The following ANKS1A variants were observed in gnomAD, a reference collection of about 807,000 sequenced individuals.
The protein encoded by ANKS1A is ankyrin repeat and SAM domain-containing protein 1A.
ANKS1A carries 55 observed loss-of-function variants against 120.3 expected under a neutral mutation model. The observed-to-expected ratio is 0.46, with a 90% CI of 0.37 to 0.57. The LOEUF (loss-of-function observed/expected upper bound fraction) is 0.57, where lower values mean the gene tolerates loss of function less well. Ranked by LOEUF, ANKS1A falls within the 20% of genes least tolerant of loss-of-function variation. The probability of loss-of-function intolerance (pLI) is 0.00; values close to 1 mark genes in which losing one functional copy is unlikely to be tolerated. For synonymous variants in ANKS1A, 590 were observed against 604.7 expected (o/e 0.98, Z 0.36); for missense variants, 1,123 against 1,480.3 (o/e 0.76, Z 3.96).
At chr6:35,002,430 C>A (rs7753608) in intron 10 of ANKS1A, among the ~76,000 whole-genome samples, 6,830 of 152,214 alleles carry the variant, frequency 0.045, 276 homozygotes, top group African/African-American at 0.11. Context: ...AAAATTTGGA[C>A]TTATACAGTA....
In ANKS1A at chr6:34,889,747, G is replaced by A; in HGVS notation, c.197+148G>A. 1 of 1,066,916 alleles carries A rather than the reference G, an allele frequency of 9.4e-7. No individual in the cohort carries two copies. Among genetic ancestry groups the A allele is most frequent in the Non-Finnish European group, 1.2e-6 (1 of 858,198 alleles). 66.1% of individuals were successfully genotyped at this position (1,066,916 alleles called of 1,614,324 possible). On this transcript the variant is annotated intron_variant, in intron 1 of 23. Transcript: ENST00000360359. The surrounding 1 kb of genome is among the most constrained non-coding windows in gnomAD (Gnocchi z 5.5). ...GCGAGGCAGGCGGCCCGCGGGCCAG[G>A]GTACCGGAGGGCGCGCAGGTCCGAG... is the stretch of plus-strand genomic sequence containing the variant.
At position 35,017,920 on chromosome 6, in the gene ANKS1A, C is replaced by T; in HGVS notation, c.1871C>T (p.Ser624Phe). The T allele has an allele frequency of 6.2e-7, 1 of 1,614,254 alleles. No individual in the cohort carries two copies. Among genetic ancestry groups the T allele is most frequent in the Non-Finnish European group, 8.5e-7 (1 of 1,180,046 alleles). ...GAACTCAAACTCAGCCGCAGCTTGT[C>T]CAAGTCTGACTCTGATCTCCTGACC... ...KAELKLSRSL[S>F]KSDSDLLTCS... Residue 624 changes from serine to phenylalanine, a missense_variant, in exon 11 of 24, where the codon TCC becomes TTC. Around this residue, in one of 3 missense-constraint regions of ANKS1A, gnomAD observed 904 missense variants for 1,130.4 expected, o/e 0.80. Transcript: ENST00000360359.
chr6:34,906,037 G>A (rs9380468), intron 1 of ANKS1A, among the ~76,000 whole-genome samples: 11,089 of 152,220 alleles, frequency 0.073, 611 homozygotes, highest in East Asian at 0.23. Context: ...GGGCCTGAGT[G>A]AGCAGTGCCC....
chr6:34,985,181 A>G lies in ANKS1A; in HGVS notation c.1112A>G (p.His371Arg). Residue 371 changes from histidine (H) to arginine (R), a missense_variant, in exon 8 of 24, where the codon CAT becomes CGT. His to Arg is a conservative substitution (Grantham distance 29). Transcript: ENST00000360359. ...YEALYNAISCHSLDSMASGRS... is the reference protein window; with the variant it reads ...YEALYNAISCRSLDSMASGRS... ...GCTCTGTATAATGCCATCTCCTGCC[A>G]TTCGTTGGACAGCATGGCCAGCGGG... 1.2e-6 allele frequency: 2 copies of G among 1,614,222 alleles called. No individual in the cohort carries two copies. The highest frequency in any genetic ancestry group is 1.1e-5 in the South Asian group (1 of 91,086).
chr6:34,901,088 A>T (rs905687400), intron 1 of ANKS1A, among the ~76,000 whole-genome samples: 1 of 152,180 alleles, frequency 6.6e-6, no homozygotes, highest in African/African-American at 2.4e-5. Context: ...AATGATAAAA[A>T]TTAGTTTTGG....
At chr6:34,953,894 A>G (rs1488305127) in intron 1 of ANKS1A, among the ~76,000 whole-genome samples, 1 of 152,194 alleles carries the variant, frequency 6.6e-6, no homozygotes, top group African/African-American at 2.4e-5. Context: ...CCATTTTCAT[A>G]GAGTTTCAGC....
At chr6:35,041,729 C>T (rs1425010134) in intron 11 of ANKS1A, among the ~76,000 whole-genome samples, 2 of 152,188 alleles carry the variant, frequency 1.3e-5, no homozygotes, top group Non-Finnish European at 2.9e-5. Context: ...ACACTACCAG[C>T]CCAACAAGAA....
intron 11 of ANKS1A, among the ~76,000 whole-genome samples, chr6:35,053,492 G>A (rs1176242432): frequency 6.6e-6 from 1 of 152,236 alleles, no homozygotes; most frequent in South Asian, 2.1e-4. Context: ...CAGGACTGCT[G>A]GACTCCAAGA....
chr6:34,906,881 A>G (rs1033833570), intron 1 of ANKS1A, among the ~76,000 whole-genome samples: 13 of 152,330 alleles, frequency 8.5e-5, no homozygotes, highest in African/African-American at 1.9e-4. Flanking sequence ...CGTCCAAATA[A>G]TAGAATATGG....
At chr6:34,997,757 A>G (rs1017448607) in intron 10 of ANKS1A, among the ~76,000 whole-genome samples, 1 of 152,212 alleles carries the variant, frequency 6.6e-6, no homozygotes, top group Admixed American at 6.5e-5. Flanking sequence ...CTTTGGAAGA[A>G]AGAAAAGTGG....
intron 1 of ANKS1A, among the ~76,000 whole-genome samples, chr6:34,939,071 CTAA>C (rs1769403813): frequency 1.3e-5 from 2 of 151,986 alleles, no homozygotes; most frequent in African/African-American, 2.4e-5. Flanking sequence ...CTTGACTGTC[CTAA>C]TAATTATGAA....
intron 1 of ANKS1A, among the ~76,000 whole-genome samples, chr6:34,915,986 C>CTTTTT (rs202041070): frequency 4.7e-4 from 49 of 104,566 alleles, no homozygotes; most frequent in African/African-American, 6.3e-4. Context: ...ATGTCTGGAT[C>CTTTTT]TTTTTTTTTT....
intron 13 of ANKS1A, among the ~76,000 whole-genome samples, chr6:35,075,618 G>T (rs894807213): frequency 6.6e-6 from 1 of 152,080 alleles, no homozygotes; most frequent in Non-Finnish European, 1.5e-5. Flanking sequence ...GTTTCACCGT[G>T]TTGGTCAGGC....
chr6:35,027,553 C>T (rs1368495713), intron 11 of ANKS1A, among the ~76,000 whole-genome samples: 1 of 152,274 alleles, frequency 6.6e-6, no homozygotes, highest in East Asian at 1.9e-4. Context: ...GAGTGGCAGC[C>T]AGATGGTGGG....
intron 10 of ANKS1A, among the ~76,000 whole-genome samples, chr6:35,011,772 C>G (rs1773770441): frequency 6.6e-6 from 1 of 152,204 alleles, no homozygotes; most frequent in Non-Finnish European, 1.5e-5. Context: ...GCAGTGTTAG[C>G]ATGATGAGCT....
chr6:35,063,218 C>T (rs1776607048), intron 13 of ANKS1A, among the ~76,000 whole-genome samples: 1 of 152,240 alleles, frequency 6.6e-6, no homozygotes, highest in Non-Finnish European at 1.5e-5. Flanking sequence ...GCCAGCCAGC[C>T]AGCCCACGAG....
chr6:35,093,841 A>G (rs551123657), downstream of ANKS1A, among the ~76,000 whole-genome samples: 3 of 152,316 alleles, frequency 2.0e-5, no homozygotes, highest in East Asian at 5.8e-4. Context: ...ATGGGGCCCC[A>G]CCCAGATCAG....
intron 1 of ANKS1A, among the ~76,000 whole-genome samples, chr6:34,918,421 T>C (rs1464863216): frequency 6.6e-6 from 1 of 152,134 alleles, no homozygotes; most frequent in Non-Finnish European, 1.5e-5. Context: ...ATAATACAAA[T>C]GAAGATGTTC....
chr6:35,097,930 T>C, the ANKS1A span, among the ~76,000 whole-genome samples: 1 of 152,214 alleles, frequency 6.6e-6, no homozygotes, highest in African/African-American at 2.4e-5. Context: ...CTGGATTAGT[T>C]ATTGGAGCAA....
Sources: gnomAD v4.1 joint callset for allele counts (sites outside exome capture counted in the v4.1 genomes callset) on GRCh38, gnomAD v4.1.1 for gene constraint, gnomAD v4.1.1 regional missense constraint, Gnocchi (gnomAD v3.1) non-coding constraint, MANE v1.5 for transcripts, NCBI Gene and HGNC (gene_info 2026-07-23, HGNC 2026-07-21) for gene names.